LRPPRC: variants seen among roughly 807,000 people sequenced by gnomAD.
LRPPRC encodes the protein leucine-rich PPR motif-containing protein, mitochondrial.
Under a neutral mutation model 180.3 loss-of-function variants are expected in LRPPRC, and 120 were observed. That is an observed-to-expected ratio of 0.67 (90% CI 0.57 to 0.77). The LOEUF (loss-of-function observed/expected upper bound fraction) is 0.77. Among genes scored for constraint, LRPPRC ranks in the 30% least tolerant of loss-of-function variants. The pLI, the probability that LRPPRC is intolerant of heterozygous loss-of-function variation, is 0.00. For missense variants in LRPPRC, 2,012 were observed against 1,657.2 expected, an observed-to-expected ratio of 1.21 and a Z score of -3.72; for synonymous variants, 723 against 600.0, an observed-to-expected ratio of 1.21 and a Z score of -3.00.
intron 31 of LRPPRC, among the ~76,000 whole-genome samples, chr2:43,905,193 T>C (rs1396012361): frequency 6.6e-6 from 1 of 152,232 alleles, no homozygotes; most frequent in Non-Finnish European, 1.5e-5. Flanking sequence ...AGATTAAGTT[T>C]TAAAAATCAA....
intron 32 of LRPPRC, among the ~76,000 whole-genome samples, chr2:43,900,485 T>A (rs1427171815): frequency 6.6e-6 from 1 of 152,164 alleles, no homozygotes; most frequent in Non-Finnish European, 1.5e-5. Context: ...ACTGTGTTTA[T>A]GTGGTAAAAC....
In LRPPRC at chr2:43,928,954, G is replaced by T. The variant is rs544991767; in HGVS notation, c.2737-2993C>A. 2.0e-5 allele frequency among the ~76,000 whole-genome samples: 3 copies of T among 152,046 alleles called. No homozygotes were observed. In the East Asian group the frequency reaches 5.8e-4, roughly 29 times the overall value. On this transcript the variant is annotated intron_variant, in intron 25 of 37. Coordinates refer to ENST00000260665, the MANE Select transcript of LRPPRC (RefSeq NM_133259.4). ...GAAGTCTTAGCAATAGCAAATAGTC[G>T]ATTAACACATATTCTGTATGTTACA...
rs1670269702 is a variant in LRPPRC at position 43,886,314 on chromosome 2, A to C, written c.*2286T>G. ...CATATAATTATATATAAAATACTAT[A>C]GTTCTCAATAGTTTACAGTGACATC... On this transcript the variant is annotated 3_prime_UTR_variant, in exon 38 of 38. Transcript: ENST00000260665. 6.6e-6 allele frequency among the ~76,000 whole-genome samples: 1 copy of C among 152,202 alleles called. No individual in the cohort carries two copies. The highest frequency in any genetic ancestry group is 2.4e-5 in the African/African-American group (1 of 41,462).
At chr2:43,987,311 A>C (rs12468459) in intron 1 of LRPPRC, among the ~76,000 whole-genome samples, 92,190 of 151,634 alleles carry the variant, frequency 0.61, 29,237 homozygotes, top group Middle Eastern at 0.67. Context: ...CTGGCTAACA[A>C]GGCGAAACCC....
chr2:43,890,320 C>T (rs373428097), intron 36 of LRPPRC: 134 of 468,526 alleles, frequency 2.9e-4, no homozygotes, highest in Non-Finnish European at 5.3e-4. Flanking sequence ...TCTACATCAA[C>T]ATCAAGATCA....
rs372179318 is a variant in LRPPRC, at chr2:43,975,077, G to C, written c.864+14C>G. On this transcript the variant is annotated intron_variant, in intron 7 of 37. Coordinates refer to ENST00000260665, the MANE Select transcript of LRPPRC (RefSeq NM_133259.4). ...AATGATTTTAAAGTATGTTTATTTA[G>C]ACATAAGTCATACCTGCTTAACATG... 9.9e-6 allele frequency: 16 copies of C among 1,610,400 alleles called. No individual in the cohort carries two copies. The highest frequency in any genetic ancestry group is 1.4e-5 in the Non-Finnish European group (16 of 1,178,908).
chr2:43,964,807 A>G (rs1673486619), intron 11 of LRPPRC, among the ~76,000 whole-genome samples: 2 of 152,236 alleles, frequency 1.3e-5, no homozygotes, highest in South Asian at 2.1e-4. Flanking sequence ...AAACAGACAA[A>G]TAGACCAATG....
chr2:43,959,063 T>C, intron 13 of LRPPRC: 2 of 564,262 alleles, frequency 3.5e-6, no homozygotes, highest in East Asian at 5.8e-5. Context: ...AAGCATCTAG[T>C]TTCCTTAGCA....
At position 43,955,555 on chromosome 2, in the gene LRPPRC, T is replaced by C. The variant is rs572013442; in HGVS notation, c.1649+1830A>G. On this transcript the variant is annotated intron_variant, in intron 14 of 37. Coordinates refer to ENST00000260665, the MANE Select transcript of LRPPRC (RefSeq NM_133259.4). ...TCTCAACAGAATAACCTGGGCAACA[T>C]AGTGAGATCCCGTCTCTACAAAAAA... 2.2e-4 allele frequency among the ~76,000 whole-genome samples: 33 copies of C among 149,346 alleles called. No individual in the cohort carries two copies. The East Asian group carries it at 2.5e-3, about 12-fold the overall frequency.
intron 25 of LRPPRC, among the ~76,000 whole-genome samples, chr2:43,932,001 T>G (rs1356519555): frequency 1.3e-5 from 2 of 151,422 alleles, no homozygotes; most frequent in African/African-American, 4.8e-5. Flanking sequence ...GATGAAGTGT[T>G]GTAGAAAGGA....
chr2:43,965,906 T>C (rs540971155), intron 11 of LRPPRC, among the ~76,000 whole-genome samples: 1 of 152,306 alleles, frequency 6.6e-6, no homozygotes, highest in South Asian at 2.1e-4. Context: ...CCTGGTCTAC[T>C]GTTGGTGGGA....
intron 23 of LRPPRC, among the ~76,000 whole-genome samples, chr2:43,937,579 T>G (rs1351855119): frequency 1.3e-5 from 2 of 152,214 alleles, no homozygotes; most frequent in African/African-American, 4.8e-5. Flanking sequence ...GTCATAGGAC[T>G]TTGGATTTCC....
At chr2:43,991,942 TA>T (rs1240084252) in intron 1 of LRPPRC, among the ~76,000 whole-genome samples, 1 of 152,232 alleles carries the variant, frequency 6.6e-6, no homozygotes, top group Non-Finnish European at 1.5e-5. Flanking sequence ...TTCAATGTCT[TA>T]AGATTTTCAT....
In LRPPRC at chr2:43,982,407, A is replaced by G; in HGVS notation, c.177T>C (p.Tyr59=). The G allele has an allele frequency of 6.2e-7, 1 of 1,613,966 alleles. No homozygotes were observed. Among genetic ancestry groups the G allele is most frequent in the Non-Finnish European group, 8.5e-7 (1 of 1,179,840 alleles). ...TATCTTTTTCTTTGGCAGCAATGGC[A>G]TACAGCCTGGCTGGGCTCAGTAGTC... ...AGGLLSPARL[Y]AIAAKEKDIQ... The change falls in exon 2 of 38, where the codon TAT becomes TAC. Residue 59 remains tyrosine (Y), a synonymous_variant. Transcript: ENST00000260665.
intron 35 of LRPPRC, chr2:43,896,386 T>TA (rs1670688454): frequency 2.6e-6 from 1 of 391,118 alleles, no homozygotes; most frequent in Admixed American, 3.9e-5. Context: ...TTGCATTTTT[T>TA]AAGGGCCTTT....
intron 23 of LRPPRC, among the ~76,000 whole-genome samples, chr2:43,943,144 G>A (rs1221557508): frequency 2.0e-5 from 3 of 151,992 alleles, no homozygotes; most frequent in Non-Finnish European, 2.9e-5. Context: ...GATTTACATT[G>A]CAAATAATGC....
At chr2:43,985,030 G>C (rs993292571) in intron 1 of LRPPRC, among the ~76,000 whole-genome samples, 3 of 144,762 alleles carry the variant, frequency 2.1e-5, no homozygotes, top group African/African-American at 7.7e-5. Context: ...CTCTTCAATA[G>C]AAAACGATCT....
intron 36 of LRPPRC, among the ~76,000 whole-genome samples, chr2:43,892,513 G>GA (rs571904489): frequency 5.9e-5 from 9 of 151,910 alleles, no homozygotes; most frequent in Non-Finnish European, 1.0e-4. Flanking sequence ...TACTGCTCAG[G>GA]AAAAAAAAGA....
chr2:43,965,494 A>G (rs1375670098), intron 11 of LRPPRC, among the ~76,000 whole-genome samples: 1 of 152,236 alleles, frequency 6.6e-6, no homozygotes, highest in Non-Finnish European at 1.5e-5. Flanking sequence ...AGCACAGACA[A>G]TAAAAACAAA....
Sources: allele counts gnomAD v4.1 joint callset (sites outside exome capture counted in the v4.1 genomes callset), GRCh38; gene constraint gnomAD v4.1.1; transcripts MANE v1.5; gene names NCBI Gene and HGNC (gene_info 2026-07-23, HGNC 2026-07-21).